The following SMPX variants were observed in gnomAD, a reference collection of about 807,000 sequenced individuals.
SMPX encodes small muscle protein X-linked, also known as small muscular protein.
Under a neutral mutation model 6.3 loss-of-function variants are expected in SMPX, and 2 were observed. That is an observed-to-expected ratio of 0.32 (90% CI 0.13 to 0.99). The LOEUF is 0.99. Among genes scored for constraint, SMPX ranks in the 50% least tolerant of loss-of-function variants. SMPX has a pLI of 0.49. For missense variants in SMPX, 60 were observed against 66.8 expected, an observed-to-expected ratio of 0.90 and a Z score of 0.36; for synonymous variants, 32 against 24.7, an observed-to-expected ratio of 1.30 and a Z score of -0.88.
intron 2 of SMPX, among the ~76,000 whole-genome samples, chrX:21,753,361 G>A (rs979592717): frequency 3.6e-5 from 4 of 111,615 alleles, no homozygotes; most frequent in Non-Finnish European, 7.5e-5. Flanking sequence ...TTTGCAACCT[G>A]GCCACAAGCA....
rs1033072565 is a variant in SMPX, at chrX:21,707,012, A to G, written c.*15-618T>C. On this transcript the variant is annotated intron_variant, in intron 4 of 4. Coordinates refer to ENST00000379494, the MANE Select transcript of SMPX (RefSeq NM_014332.3). ...GACATTTCTTCATAGCAGCACGAGA[A>G]CGGACTAATACGAGATCTCCAGAAT... Among the ~76,000 whole-genome samples, 19 of 108,505 alleles carry G rather than the reference A, an allele frequency of 1.8e-4. 1 individual carries two copies. The highest frequency in any genetic ancestry group is 2.9e-4 in the East Asian group (1 of 3,488). 94.2% of individuals were successfully genotyped at this position (108,505 alleles called of 115,157 possible).
At chrX:21,735,688 A>T (rs1475136023) in intron 4 of SMPX, among the ~76,000 whole-genome samples, 1 of 112,329 alleles carries the variant, frequency 8.9e-6, no homozygotes, top group Admixed American at 9.4e-5. Flanking sequence ...ATTTAGGTCA[A>T]CATGGTTTTC....
At position 21,754,123 on chromosome X, in the gene SMPX, G is replaced by C. The variant is rs995084540; in HGVS notation, c.45+123C>G. 1.2e-5 allele frequency: 8 copies of C among 642,493 alleles called. No individual in the cohort carries two copies. The Admixed American group carries it at 1.8e-4, about 14-fold the overall frequency. 52.9% of individuals were successfully genotyped at this position (642,493 alleles called of 1,213,427 possible). A position where few individuals can be genotyped will look rare whatever the true frequency, so the allele number is the denominator to read the frequency against. The stretch of plus-strand genomic sequence containing the variant: ...ACTGGTTTTATATCCTTTCTCAATT[G>C]TACCTTACAAATCTTATGAAGAACT... On this transcript the variant is annotated intron_variant, in intron 2 of 4. Coordinates refer to ENST00000379494, the MANE Select transcript of SMPX (RefSeq NM_014332.3).
intron 1 of SMPX, among the ~76,000 whole-genome samples, chrX:21,754,708 AATTGCCAGG>A (rs1255851945): frequency 8.9e-6 from 1 of 112,281 alleles, no homozygotes; most frequent in Non-Finnish European, 1.9e-5. Context: ...CTGAATTCAT[AATTGCCAGG>A]GTTGCTATAG....
intron 4 of SMPX, among the ~76,000 whole-genome samples, chrX:21,721,601 C>T (rs1020122864): frequency 2.7e-5 from 3 of 112,370 alleles, no homozygotes; most frequent in Admixed American, 9.4e-5. Context: ...TTCTGTGAAA[C>T]ATACCCATTC....
At chrX:21,721,858 A>G (rs1248407679) in intron 4 of SMPX, among the ~76,000 whole-genome samples, 1 of 112,427 alleles carries the variant, frequency 8.9e-6, no homozygotes. Flanking sequence ...ATATTTGAGA[A>G]AAGCTATAAA....
intron 4 of SMPX, among the ~76,000 whole-genome samples, chrX:21,732,375 C>A (rs2092805953): frequency 1.8e-5 from 2 of 111,503 alleles, no homozygotes; most frequent in African/African-American, 6.5e-5. Flanking sequence ...GGAATACAAT[C>A]AATTAATTAA....
chrX:21,742,469 C>A (rs1200928211), intron 3 of SMPX, among the ~76,000 whole-genome samples: 1 of 112,059 alleles, frequency 8.9e-6, no homozygotes, highest in East Asian at 2.8e-4. Flanking sequence ...AAATACTTGG[C>A]CCAAGTCCCA....
chrX:21,717,814 A>C (rs953305501), intron 4 of SMPX, among the ~76,000 whole-genome samples: 3 of 112,461 alleles, frequency 2.7e-5, no homozygotes, highest in African/African-American at 9.7e-5. Flanking sequence ...TATTTAACTG[A>C]GACTTGAATG....
intron 4 of SMPX, among the ~76,000 whole-genome samples, chrX:21,719,737 T>C (rs1191768856): frequency 1.8e-5 from 2 of 111,532 alleles, no homozygotes; most frequent in Admixed American, 9.5e-5. Flanking sequence ...TCCCCACTAA[T>C]GACTCAAGGA....
At chrX:21,722,636 G>A (rs1157810090) in intron 4 of SMPX, among the ~76,000 whole-genome samples, 1 of 111,827 alleles carries the variant, frequency 8.9e-6, no homozygotes, top group African/African-American at 3.3e-5. Context: ...GGGGTAAGTT[G>A]ATGTAGAATT....
chrX:21,757,689 G>T (rs1438623817), intron 1 of SMPX, among the ~76,000 whole-genome samples: 1 of 111,711 alleles, frequency 9.0e-6, no homozygotes, highest in East Asian at 2.8e-4. Flanking sequence ...TTTCTAGACT[G>T]TGGACATTTT....
At chrX:21,718,487 T>G (rs1455541108) in intron 4 of SMPX, among the ~76,000 whole-genome samples, 2 of 111,986 alleles carry the variant, frequency 1.8e-5, no homozygotes, top group African/African-American at 6.5e-5. Flanking sequence ...AAACATTACT[T>G]TGAGCAGTAA....
In SMPX at chrX:21,743,916, A is replaced by T. The variant is rs561239757; in HGVS notation, c.46-80T>A. The T allele has an allele frequency of 6.5e-4, 474 of 734,273 alleles. 4 individuals carry two copies. In the South Asian group the frequency reaches 9.9e-3, roughly 15 times the overall value. The allele number at this position is 734,273 out of a possible 1,213,427, so 60.5% of individuals were successfully genotyped here. A position where few individuals can be genotyped will look rare whatever the true frequency, so the allele number is the denominator to read the frequency against. The stretch of plus-strand genomic sequence containing the variant: ...CATTCTGAGACAGTAATCGTTGTGA[A>T]GAAAAATGCGTCTGAAAAGTACATC... On this transcript the variant is annotated intron_variant, in intron 2 of 4. Transcript: ENST00000379494.
intron 2 of SMPX, among the ~76,000 whole-genome samples, chrX:21,750,162 T>C (rs746361536): frequency 9.9e-5 from 11 of 111,483 alleles, no homozygotes; most frequent in Admixed American, 3.8e-4. Context: ...ACCAAACAGA[T>C]CATTGATGGG....
chrX:21,727,417 C>T (rs1027395081), intron 4 of SMPX: 9 of 111,796 alleles, frequency 8.1e-5, no homozygotes, highest in East Asian at 2.8e-4. Context: ...CAGGTAAGAG[C>T]TAGGCAGTAA....
chrX:21,710,740 T>C lies in SMPX; in HGVS notation c.*15-4346A>G, dbSNP rs956737144. Among the ~76,000 whole-genome samples the C allele has an allele frequency of 2.7e-5, 3 of 111,335 alleles. No homozygotes were observed. The East Asian group carries it at 8.4e-4, about 31-fold the overall frequency. On this transcript the variant is annotated intron_variant, in intron 4 of 4. Transcript: ENST00000379494. Reference sequence around the variant, plus strand: ...GCCAAGGGAGGCCTGAATACAACTGTGAAGAGGGGGAAGCTGGGCCAGTGC... The same window carrying C: ...GCCAAGGGAGGCCTGAATACAACTGCGAAGAGGGGGAAGCTGGGCCAGTGC...
chrX:21,709,781 A>C (rs779454150), intron 4 of SMPX, among the ~76,000 whole-genome samples: 2 of 112,091 alleles, frequency 1.8e-5, no homozygotes, highest in South Asian at 7.5e-4. Flanking sequence ...TGGATGACAT[A>C]TGGCCAGTCT....
chrX:21,731,400 C>G (rs1214483693), intron 4 of SMPX, among the ~76,000 whole-genome samples: 1 of 97,221 alleles, frequency 1.0e-5, no homozygotes, highest in East Asian at 3.5e-4. Flanking sequence ...TATCCACACA[C>G]TATACATATA....
Sources: allele counts gnomAD v4.1 joint callset (sites outside exome capture counted in the v4.1 genomes callset), GRCh38; gene constraint gnomAD v4.1.1; transcripts MANE v1.5; gene names NCBI Gene and HGNC (gene_info 2026-07-23, HGNC 2026-07-21).